Variants in SOX5 observed in about 807,000 individuals in gnomAD.
SOX5 encodes SRY-box transcription factor 5, also known as transcription factor SOX-5.
Under a neutral mutation model 92.0 loss-of-function variants are expected in SOX5, and 9 were observed. The observed-to-expected ratio is 0.10, with a 90% CI of 0.06 to 0.17. The LOEUF is 0.17. SOX5 is among the 10% of genes least tolerant of loss of function. The probability of loss-of-function intolerance (pLI) is 1.00; values close to 1 mark genes in which losing one functional copy is unlikely to be tolerated. For synonymous variants in SOX5, 344 were observed against 336.3 expected (o/e 1.02, Z -0.25); for missense variants, 642 against 944.5 (o/e 0.68, Z 4.20).
intron 3 of SOX5, among the ~76,000 whole-genome samples, chr12:23,768,616 T>C (rs2094817539): frequency 6.6e-6 from 1 of 152,166 alleles, no homozygotes; most frequent in South Asian, 2.1e-4. Context: ...GTTCCAATAA[T>C]AAGAGTTGAG....
chr12:24,180,595 C>A (rs542751333), intron 4 of SOX5, among the ~76,000 whole-genome samples: 3 of 152,116 alleles, frequency 2.0e-5, no homozygotes, highest in African/African-American at 4.8e-5. Context: ...TTATAACTGT[C>A]GTTACTATGC....
At chr12:24,458,405 C>T (rs956550848) in intron 1 of SOX5, among the ~76,000 whole-genome samples, 1 of 152,090 alleles carries the variant, frequency 6.6e-6, no homozygotes, top group African/African-American at 2.4e-5. Flanking sequence ...CATCTATGGG[C>T]ATTTTTTTTC....
At chr12:23,733,350 T>C (rs2093463740) in intron 6 of SOX5, among the ~76,000 whole-genome samples, 1 of 152,208 alleles carries the variant, frequency 6.6e-6, no homozygotes, top group African/African-American at 2.4e-5. Context: ...GATAACCAGG[T>C]ACCATCGACT....
chr12:23,584,544 T>C (rs201255370), intron 9 of SOX5: 116 of 1,600,968 alleles, frequency 7.2e-5, no homozygotes, highest in Non-Finnish European at 8.5e-5. Context: ...AGTGCTCACA[T>C]ACATGCATGC....
intron 4 of SOX5, among the ~76,000 whole-genome samples, chr12:23,968,399 A>G (rs1346208999): frequency 6.6e-6 from 1 of 152,180 alleles, no homozygotes; most frequent in Admixed American, 6.5e-5. Flanking sequence ...CATGTTGGAA[A>G]CTTGATCTCC....
chr12:23,665,534 G>T lies in SOX5; in HGVS notation c.841C>A (p.Pro281Thr). Residue 281 changes from proline to threonine, a missense_variant, in exon 7 of 15, where the codon CCC (proline) becomes ACC (threonine). Physicochemically the swap from Pro to Thr is conservative, Grantham distance 38. Around this residue, in one of 8 missense-constraint regions of SOX5, gnomAD observed 324 missense variants for 461.6 expected, o/e 0.70. Coordinates refer to ENST00000451604, the MANE Select transcript of SOX5 (RefSeq NM_006940.6). ...VQGQLPPLMI[P>T]VFPPDQRTLA... The stretch of plus-strand genomic sequence containing the variant: ...GTCCGTTGATCAGGAGGGAATACGG[G>T]AATCATTAATGGCGGCAGCTGACCT... 6.2e-7 allele frequency: 1 copy of T among 1,613,316 alleles called. No individual in the cohort carries two copies. The highest frequency in any genetic ancestry group is 1.1e-5 in the South Asian group (1 of 91,020).
At chr12:23,578,938 A>AAAAC (rs1165330246) in intron 9 of SOX5, among the ~76,000 whole-genome samples, 1 of 134,632 alleles carries the variant, frequency 7.4e-6, no homozygotes, top group African/African-American at 2.5e-5. Flanking sequence ...AAAAAGAAAC[A>AAAAC]AAACAAAGCA....
intron 1 of SOX5, among the ~76,000 whole-genome samples, chr12:23,917,202 A>G (rs1395226547): frequency 6.6e-6 from 1 of 152,186 alleles, no homozygotes; most frequent in East Asian, 1.9e-4. Context: ...TTTTAAAATA[A>G]TTAAAAGCAT....
intron 3 of SOX5, among the ~76,000 whole-genome samples, chr12:23,831,957 T>TACACGCGCACACAC: frequency 7.0e-6 from 1 of 142,838 alleles, no homozygotes; most frequent in South Asian, 2.3e-4. Flanking sequence ...AAAGGGGAAC[T>TACACGCGCACACAC]ACACACACAC....
In SOX5 at chr12:24,476,600, A is replaced by C. The variant is rs150632173; in HGVS notation, c.-251+85729T>G. Reference sequence around the variant, plus strand: ...TGTTCAAGCAGGAGTTGGACAACTGAAAGAGGCTGAGACTCCTCCAGCCCA... The same window carrying C: ...TGTTCAAGCAGGAGTTGGACAACTGCAAGAGGCTGAGACTCCTCCAGCCCA... On this transcript the variant is annotated intron_variant, in intron 1 of 4. Coordinates refer to the SOX5 transcript ENST00000446891. Among the ~76,000 whole-genome samples, 306 of 152,300 alleles carry C rather than the reference A, an allele frequency of 2.0e-3. 1 individual carries two copies. Among genetic ancestry groups the C allele is most frequent in the African/African-American group, 6.9e-3 (286 of 41,552 alleles).
intron 3 of SOX5, among the ~76,000 whole-genome samples, chr12:24,249,018 A>T (rs1009185082): frequency 3.9e-5 from 6 of 152,200 alleles, no homozygotes; most frequent in Non-Finnish European, 8.8e-5. Flanking sequence ...AGTGCTAAAG[A>T]ATGGCTTGCA....
intron 3 of SOX5, among the ~76,000 whole-genome samples, chr12:24,256,156 G>T (rs976296547): frequency 1.3e-5 from 2 of 152,208 alleles, no homozygotes; most frequent in Non-Finnish European, 2.9e-5. Context: ...GGAAGCCCGA[G>T]ATGTGTGGCA....
chr12:24,514,127 G>C (rs952052805), intron 1 of SOX5, among the ~76,000 whole-genome samples: 3 of 152,162 alleles, frequency 2.0e-5, no homozygotes, highest in Admixed American at 2.0e-4. Context: ...TCAACAATTA[G>C]CCAATTGCTT....
chr12:23,852,827 G>C (rs1238710885), intron 2 of SOX5, among the ~76,000 whole-genome samples: 1 of 152,030 alleles, frequency 6.6e-6, no homozygotes, highest in African/African-American at 2.4e-5. Context: ...CAGACTTCCT[G>C]AATCAGATGT....
At chr12:24,508,561 G>T (rs1416239646) in intron 1 of SOX5, among the ~76,000 whole-genome samples, 1 of 152,138 alleles carries the variant, frequency 6.6e-6, no homozygotes, top group Non-Finnish European at 1.5e-5. Flanking sequence ...ATGTGCATCT[G>T]CAGCCCAGGG....
chr12:23,599,371 C>G (rs1445880822), intron 9 of SOX5, among the ~76,000 whole-genome samples: 2 of 152,264 alleles, frequency 1.3e-5, no homozygotes, highest in African/African-American at 4.8e-5. Flanking sequence ...TACTGCTGAG[C>G]AAATGGGAAC....
intron 4 of SOX5, among the ~76,000 whole-genome samples, chr12:24,002,824 A>G (rs774800726): frequency 1.8e-4 from 28 of 152,120 alleles, no homozygotes; most frequent in Non-Finnish European, 3.7e-4. Context: ...AATTTATTTT[A>G]TGAAGTCAGT....
chr12:24,008,540 A>C (rs12821674), intron 4 of SOX5, among the ~76,000 whole-genome samples: 7,663 of 152,222 alleles, frequency 0.05, 259 homozygotes, highest in Middle Eastern at 0.085. Flanking sequence ...CAAAATATAA[A>C]AGAAAAAAAA....
intron 4 of SOX5, among the ~76,000 whole-genome samples, chr12:24,136,152 A>C (rs1364774541): frequency 6.6e-6 from 1 of 152,266 alleles, no homozygotes; most frequent in Non-Finnish European, 1.5e-5. Context: ...TCAAAGCTCC[A>C]GAAAATGATG....
Sources: gnomAD v4.1 joint callset for allele counts (sites outside exome capture counted in the v4.1 genomes callset) on GRCh38, gnomAD v4.1.1 for gene constraint, gnomAD v4.1.1 regional missense constraint, MANE v1.5 for transcripts, NCBI Gene and HGNC (gene_info 2026-07-23, HGNC 2026-07-21) for gene names.